Variants in BCAS3 observed in about 807,000 individuals in gnomAD.
BCAS3 encodes BCAS4/BCAS3 fusion.
Under a neutral mutation model 116.1 loss-of-function variants are expected in BCAS3, and 53 were observed. The ratio of observed to expected loss-of-function variants is 0.46; its 90% confidence interval spans 0.37 to 0.57. BCAS3 has a LOEUF of 0.57. BCAS3 is among the 20% of genes least tolerant of loss of function. The pLI, the probability that BCAS3 is intolerant of heterozygous loss-of-function variation, is 0.00. For synonymous variants in BCAS3, 391 were observed against 408.2 expected (o/e 0.96, Z 0.51); for missense variants, 917 against 1,165.4 (o/e 0.79, Z 3.10).
At chr17:60,736,910 C>T (rs1236748929) in intron 5 of BCAS3, among the ~76,000 whole-genome samples, 1 of 134,022 alleles carries the variant, frequency 7.5e-6, no homozygotes, top group Non-Finnish European at 1.6e-5. Context: ...TCCTCCCTTC[C>T]TCCCTTCCTC....
intron 10 of BCAS3, among the ~76,000 whole-genome samples, chr17:60,898,361 C>CT (rs1428321212): frequency 2.0e-5 from 3 of 151,998 alleles, no homozygotes; most frequent in Non-Finnish European, 4.4e-5. Context: ...TCGTAGAGGA[C>CT]TTTTTTTATT....
At chr17:60,948,242 G>A (rs1369710906) in intron 14 of BCAS3, among the ~76,000 whole-genome samples, 3 of 151,964 alleles carry the variant, frequency 2.0e-5, no homozygotes, top group Admixed American at 2.0e-4. Context: ...CCAACCAGCT[G>A]AGATTACAGG....
intron 22 of BCAS3, among the ~76,000 whole-genome samples, chr17:61,340,472 C>T (rs951464705): frequency 5.3e-5 from 8 of 151,948 alleles, no homozygotes; most frequent in African/African-American, 1.7e-4. Flanking sequence ...AGAGGAGAAA[C>T]GATGAAGTAA....
rs2065774125 is a variant in BCAS3 at position 61,020,203 on chromosome 17, AG to A, written c.1637+4306del. Among the ~76,000 whole-genome samples the A allele has an allele frequency of 6.6e-6, 1 of 152,238 alleles. No individual in the cohort carries two copies. The highest frequency in any genetic ancestry group is 2.1e-4 in the South Asian group (1 of 4,826). ...GATAGAAGCCTCAACTTAAACCTTA[AG>A]GGGACAAAACGTGTGTTTACCATAT... On this transcript the variant is annotated intron_variant, in intron 16 of 23. Transcript: ENST00000407086. The surrounding 1 kb of genome is among the most constrained non-coding windows in gnomAD (Gnocchi z 4.5).
intron 5 of BCAS3, among the ~76,000 whole-genome samples, chr17:60,724,333 G>A (rs2039586283): frequency 6.7e-6 from 1 of 148,676 alleles, no homozygotes; most frequent in South Asian, 2.2e-4. Flanking sequence ...TGAGGCGTGG[G>A]AATTGCTTGA....
At chr17:60,807,924 T>C (rs2048433339) in intron 6 of BCAS3, 80 bp from the exon 7 acceptor site, 1 of 982,994 alleles carries the variant, frequency 1.0e-6, no homozygotes, top group African/African-American at 1.6e-5. Flanking sequence ...CCTTTTCAAG[T>C]ATTTTGAAAG....
At chr17:61,190,628 A>G (rs1321201866) in intron 22 of BCAS3, among the ~76,000 whole-genome samples, 1 of 147,366 alleles carries the variant, frequency 6.8e-6, no homozygotes, top group Non-Finnish European at 1.5e-5. Flanking sequence ...ATTTTTTGAG[A>G]TGGAATTTTG....
intron 22 of BCAS3, among the ~76,000 whole-genome samples, chr17:61,291,133 G>A (rs1262944610): frequency 1.3e-5 from 2 of 152,018 alleles, no homozygotes; most frequent in Non-Finnish European, 2.9e-5. Flanking sequence ...TTGTGTTTAG[G>A]GTTTCACTTG....
chr17:60,923,013 G>T (rs912709419), intron 12 of BCAS3, among the ~76,000 whole-genome samples: 11 of 152,104 alleles, frequency 7.2e-5, no homozygotes, highest in Non-Finnish European at 1.6e-4. Flanking sequence ...AATAATCTAA[G>T]TGTTTCCCTT....
intron 14 of BCAS3, among the ~76,000 whole-genome samples, chr17:60,950,524 G>T (rs2060775858): frequency 6.6e-6 from 1 of 152,196 alleles, no homozygotes; most frequent in Non-Finnish European, 1.5e-5. Context: ...GTCTCGCTGT[G>T]TTGCCCAGGC....
chr17:61,110,881 C>T lies in BCAS3; in HGVS notation c.2425+26317C>T, dbSNP rs528094853. On this transcript the variant is annotated intron_variant, in intron 22 of 23. Coordinates refer to ENST00000407086, the MANE Select transcript of BCAS3 (RefSeq NM_017679.5). ...GTAGAGAGCAGTGGTTCTCCCAGCA[C>T]GCAGCTGGAGATCTGAAAACGGGCA... Among the ~76,000 whole-genome samples, 21 of 152,328 alleles carry T rather than the reference C, an allele frequency of 1.4e-4. No individual in the cohort carries two copies. In the East Asian group the frequency reaches 1.5e-3, roughly 11 times the overall value.
intron 15 of BCAS3, 148 bp from the exon 16 acceptor site, chr17:61,015,603 C>A: frequency 1.2e-6 from 1 of 815,112 alleles, no homozygotes; most frequent in Non-Finnish European, 2.0e-6. Flanking sequence ...TCTTCTCATC[C>A]ACATAATTGT....
intron 12 of BCAS3, among the ~76,000 whole-genome samples, 172 bp downstream of exon 12, chr17:60,910,874 G>A (rs2058457306): frequency 6.6e-6 from 1 of 152,066 alleles, no homozygotes; most frequent in Non-Finnish European, 1.5e-5. Context: ...GTTAGAACCT[G>A]CTGTTTTGAA....
At chr17:60,941,860 A>G (rs894794481) in intron 13 of BCAS3, among the ~76,000 whole-genome samples, 3 of 152,218 alleles carry the variant, frequency 2.0e-5, no homozygotes, top group African/African-American at 7.2e-5. Context: ...TGCTCATTCT[A>G]CATAAAATGG....
chr17:61,289,583 G>A (rs996363384), intron 22 of BCAS3, among the ~76,000 whole-genome samples: 1 of 152,154 alleles, frequency 6.6e-6, no homozygotes, highest in African/African-American at 2.4e-5. Context: ...CCCTCCCCAA[G>A]TACAGAGATG....
intron 22 of BCAS3, among the ~76,000 whole-genome samples, chr17:61,268,106 T>C (rs1009105645): frequency 2.0e-4 from 31 of 152,366 alleles, no homozygotes; most frequent in Non-Finnish European, 2.1e-4. Flanking sequence ...ACATTTGATC[T>C]TGGGGACTCT....
chr17:60,707,070 C>T (rs895304428), intron 4 of BCAS3, among the ~76,000 whole-genome samples: 7 of 151,944 alleles, frequency 4.6e-5, no homozygotes, highest in African/African-American at 1.7e-4. Context: ...CGGCTTACCT[C>T]AACCTCTGCC....
chr17:61,193,476 G>A (rs137903758), intron 22 of BCAS3, among the ~76,000 whole-genome samples: 4 of 151,920 alleles, frequency 2.6e-5, no homozygotes, highest in Non-Finnish European at 4.4e-5. Flanking sequence ...CTGAATTTTT[G>A]GCCAGGTGCG....
intron 22 of BCAS3, among the ~76,000 whole-genome samples, chr17:61,266,651 T>A (rs2049744754): frequency 6.6e-6 from 1 of 152,190 alleles, no homozygotes; most frequent in Non-Finnish European, 1.5e-5. Context: ...TTTCCAAAAC[T>A]GACATATTTA....
Sources: allele counts gnomAD v4.1 joint callset (sites outside exome capture counted in the v4.1 genomes callset), GRCh38; gene constraint gnomAD v4.1.1; non-coding constraint Gnocchi (gnomAD v3.1); transcripts MANE v1.5; gene names NCBI Gene and HGNC (gene_info 2026-07-23, HGNC 2026-07-21).